TDRD10: variants seen among roughly 807,000 people sequenced by gnomAD.
TDRD10 encodes tudor domain containing 10.
In TDRD10, 40 loss-of-function variants were observed where a neutral mutation model predicts 48.0. The ratio of observed to expected loss-of-function variants is 0.83; its 90% CI spans 0.65 to 1.09. TDRD10 has a LOEUF of 1.09. Among genes scored for constraint, TDRD10 ranks in the 50% least tolerant of loss-of-function variants. The pLI is 0.00. For synonymous variants in TDRD10, 162 were observed against 170.4 expected, an observed-to-expected ratio of 0.95 and a Z score of 0.38; for missense variants, 378 against 434.7, an observed-to-expected ratio of 0.87 and a Z score of 1.16.
chr1:154,541,701 A>G (rs529737975), intron 6 of TDRD10, among the ~76,000 whole-genome samples: 1 of 152,202 alleles, frequency 6.6e-6, no homozygotes, highest in Admixed American at 6.5e-5. Flanking sequence ...GCACCAGGAT[A>G]AGCGTTCTGG....
rs190756951 is a variant in TDRD10 at position 154,538,652 on chromosome 1, G to A, written c.370-3372G>A. On this transcript the variant is annotated intron_variant, in intron 6 of 12. Coordinates refer to ENST00000368482, the MANE Select transcript of TDRD10 (RefSeq NM_182499.4). ...GCGGATCATGAGGTCAGGAGATGGA[G>A]ACCATCCTGACTAACACGGTGAAAC... Among the ~76,000 whole-genome samples, 768 of 151,256 alleles carry A rather than the reference G, an allele frequency of 5.1e-3. 5 individuals carry two copies. Among genetic ancestry groups the A allele is most frequent in the Non-Finnish European group, 7.6e-3 (514 of 67,878 alleles).
At chr1:154,521,874 C>T (rs1369757140) in intron 6 of TDRD10, among the ~76,000 whole-genome samples, 1 of 152,120 alleles carries the variant, frequency 6.6e-6, no homozygotes, top group Admixed American at 6.5e-5. Context: ...TCCAGCTCTT[C>T]CTGGCAGGAA....
intron 6 of TDRD10, among the ~76,000 whole-genome samples, chr1:154,537,359 G>C (rs1247544349): frequency 1.3e-5 from 2 of 152,212 alleles, no homozygotes; most frequent in Non-Finnish European, 2.9e-5. Context: ...CTAAAGGGGG[G>C]CTCCCTGAGG....
intron 6 of TDRD10, among the ~76,000 whole-genome samples, chr1:154,523,465 G>C (rs1203396403): frequency 6.6e-6 from 1 of 152,170 alleles, no homozygotes; most frequent in African/African-American, 2.4e-5. Flanking sequence ...GTAGGGTAGG[G>C]CCTGGGAATT....
rs1300621334 is a variant in TDRD10 at position 154,547,593 on chromosome 1, T to C, written c.1024-85T>C. The C allele has an allele frequency of 3.1e-6, 5 of 1,614,190 alleles. No individual in the cohort carries two copies. The South Asian group carries it at 5.5e-5, about 18-fold the overall frequency. On this transcript the variant is annotated intron_variant, in intron 12 of 12. Transcript: ENST00000368482. Reference sequence around the variant, plus strand: ...AGTATTTACCTGGCATTCTTTTAGATCAAACGAACTGGTTATCTGAGGGGT... The same window carrying C: ...AGTATTTACCTGGCATTCTTTTAGACCAAACGAACTGGTTATCTGAGGGGT...
chr1:154,541,531 G>T (rs909043132), intron 6 of TDRD10, among the ~76,000 whole-genome samples: 1 of 152,044 alleles, frequency 6.6e-6, no homozygotes, highest in Non-Finnish European at 1.5e-5. Context: ...AGGGTTGGGG[G>T]TTTTTCAGGT....
chr1:154,535,636 G>T (rs1051570023), intron 6 of TDRD10, among the ~76,000 whole-genome samples: 1 of 152,086 alleles, frequency 6.6e-6, no homozygotes, highest in Non-Finnish European at 1.5e-5. Flanking sequence ...AGCTATGATT[G>T]TGCCAGCACT....
chr1:154,507,211 A>G (rs1279761773), intron 2 of TDRD10, 30 bp from the exon 3 acceptor site: 2 of 1,613,416 alleles, frequency 1.2e-6, no homozygotes, highest in Non-Finnish European at 1.7e-6. Context: ...TGAGCTTGGG[A>G]GGTTCGATGC....
chr1:154,545,907 C>T (rs58837269), intron 11 of TDRD10, among the ~76,000 whole-genome samples: 2,896 of 145,100 alleles, frequency 0.02, 115 homozygotes, highest in African/African-American at 0.072. Context: ...ATTACAGGCA[C>T]GCACCACCAC....
In TDRD10 at chr1:154,547,929, C is replaced by T. The variant is rs1383044797; in HGVS notation, c.*219C>T. ...CTTCAGTTCCCCAACTTGGCATGAA[C>T]ATTTGAACCAAACATAGGAAACTAC... On this transcript the variant is annotated 3_prime_UTR_variant, in exon 13 of 13. Transcript: ENST00000368482. 3.3e-6 allele frequency: 2 copies of T among 604,618 alleles called. No individual in the cohort carries two copies. Among genetic ancestry groups the T allele is most frequent in the Admixed American group, 3.1e-5 (1 of 32,734 alleles). 37.5% of individuals were successfully genotyped at this position (604,618 alleles called of 1,614,324 possible). A position where few individuals can be genotyped will look rare whatever the true frequency, so the allele number is the denominator to read the frequency against.
chr1:154,544,657 C>T, intron 10 of TDRD10, 138 bp from the exon 11 acceptor site: 1 of 1,469,508 alleles, frequency 6.8e-7, no homozygotes, highest in Non-Finnish European at 9.1e-7. Flanking sequence ...TATTTCCTCA[C>T]TCAAGGATTG....
intron 10 of TDRD10, 78 bp from the exon 11 acceptor site, chr1:154,544,717 C>T: frequency 6.4e-7 from 1 of 1,553,978 alleles, no homozygotes; most frequent in South Asian, 1.2e-5. Flanking sequence ...TCCACTTTCA[C>T]ATCCACTTTG....
intron 6 of TDRD10, among the ~76,000 whole-genome samples, chr1:154,522,926 T>G (rs536137621): frequency 6.6e-6 from 1 of 152,316 alleles, no homozygotes; most frequent in African/African-American, 2.4e-5. Context: ...ATTGTATCTT[T>G]TTTTTTTGAG....
chr1:154,536,341 A>G (rs192209935), intron 6 of TDRD10, among the ~76,000 whole-genome samples: 4 of 152,150 alleles, frequency 2.6e-5, no homozygotes, highest in African/African-American at 9.7e-5. Context: ...GTGCCGTTGC[A>G]CTCCAGCCTG....
Position 154,530,615 on chromosome 1 carries a change from A to G in TDRD10, c.369+9136A>G, listed in dbSNP as rs368899444. Among the ~76,000 whole-genome samples, 11 of 151,122 alleles carry G rather than the reference A, an allele frequency of 7.3e-5. No homozygotes were observed. In the Middle Eastern group the frequency reaches 0.014, roughly 187 times the overall value. Reference sequence around the variant, plus strand: ...CAAATGGTTTTTCTCTGCATTCAAGATTTTTGCTTGGTTTTTAGTTTTCAG... The same window carrying G: ...CAAATGGTTTTTCTCTGCATTCAAGGTTTTTGCTTGGTTTTTAGTTTTCAG... On this transcript the variant is annotated intron_variant, in intron 6 of 12. Coordinates refer to ENST00000368482, the MANE Select transcript of TDRD10 (RefSeq NM_182499.4).
intron 10 of TDRD10, 100 bp from the exon 11 acceptor site, chr1:154,544,695 C>T: frequency 6.6e-7 from 1 of 1,517,258 alleles, no homozygotes; most frequent in Non-Finnish European, 8.9e-7. Flanking sequence ...CTCGCTCTTC[C>T]TCCCTCCTAC....
intron 1 of TDRD10, among the ~76,000 whole-genome samples, chr1:154,503,958 A>G (rs1043683941): frequency 1.1e-4 from 16 of 152,222 alleles, no homozygotes; most frequent in African/African-American, 2.7e-4. Context: ...TTACAGTACA[A>G]CCATCGCAAC....
chr1:154,543,772 C>T (rs1342628424), intron 8 of TDRD10, among the ~76,000 whole-genome samples, 191 bp from the exon 9 acceptor site: 2 of 152,198 alleles, frequency 1.3e-5, no homozygotes, highest in Non-Finnish European at 2.9e-5. Context: ...TTCCTTTCCT[C>T]TGCCGTGGAC....
chr1:154,531,853 C>A (rs1694645305), intron 6 of TDRD10, among the ~76,000 whole-genome samples: 1 of 152,158 alleles, frequency 6.6e-6, no homozygotes, highest in African/African-American at 2.4e-5. Flanking sequence ...AATCCCTGAG[C>A]TAGACACACA....
Sources: allele counts gnomAD v4.1 joint callset (sites outside exome capture counted in the v4.1 genomes callset), GRCh38; gene constraint gnomAD v4.1.1; transcripts MANE v1.5; gene names NCBI Gene and HGNC (gene_info 2026-07-23, HGNC 2026-07-21).